The following THADA variants were observed in gnomAD, a reference collection of about 807,000 sequenced individuals.
THADA encodes tRNA (32-2'-O)-methyltransferase regulator THADA.
Under a neutral mutation model 219.8 loss-of-function variants are expected in THADA, and 213 were observed. The observed-to-expected ratio is 0.97, with a 90% CI of 0.87 to 1.09. THADA has a LOEUF of 1.09. Among genes scored for constraint, THADA ranks in the 50% least tolerant of loss-of-function variants. The pLI, the probability that THADA is intolerant of heterozygous loss-of-function variation, is 0.00. For synonymous variants in THADA, 1,018 were observed against 828.9 expected (o/e 1.23, Z -3.92); for missense variants, 2,956 against 2,311.3 (o/e 1.28, Z -5.72).
intron 26 of THADA, among the ~76,000 whole-genome samples, chr2:43,473,554 A>C (rs926174235): frequency 4.6e-5 from 7 of 152,196 alleles, no homozygotes; most frequent in African/African-American, 1.7e-4. Flanking sequence ...GTAAATACAT[A>C]AACCAGTAAC....
rs977222960 is a variant in THADA at position 43,292,222 on chromosome 2, T to C, written c.4819A>G (p.Ile1607Val). Residue 1607 changes from isoleucine to valine, a missense_variant and splice_region_variant, in exon 33 of 38, where the codon ATA becomes GTA. By Grantham distance (29) the Ile-to-Val change is conservative (BLOSUM62 3). Coordinates refer to ENST00000405975, the MANE Select transcript of THADA (RefSeq NM_022065.5). ...KENHPECFCK[I>V]LKILHCMDPG... ...TCCATGCAGTGGAGAATTTTCAGTA[T>C]CTGTGTAAGCCAAATCCGCACACAA... 1 of 1,593,994 alleles carries C rather than the reference T, an allele frequency of 6.3e-7. No individual in the cohort carries two copies. The highest frequency in any genetic ancestry group is 8.6e-7 in the Non-Finnish European group (1 of 1,169,264).
intron 25 of THADA, among the ~76,000 whole-genome samples, chr2:43,495,769 A>G (rs1379621024): frequency 1.3e-5 from 2 of 152,212 alleles, no homozygotes; most frequent in African/African-American, 4.8e-5. Context: ...AGCAATATTG[A>G]TATTTCTGAC....
intron 30 of THADA, among the ~76,000 whole-genome samples, chr2:43,337,982 T>C (rs1666656665): frequency 6.6e-6 from 1 of 152,084 alleles, no homozygotes; most frequent in Non-Finnish European, 1.5e-5. Context: ...GTCAAGACAA[T>C]GATAACTTCA....
At chr2:43,398,465 T>C (rs955660993) in intron 28 of THADA, among the ~76,000 whole-genome samples, 3 of 152,184 alleles carry the variant, frequency 2.0e-5, no homozygotes, top group African/African-American at 4.8e-5. Context: ...AAAAGCACCA[T>C]GATAAGTGCC....
intron 29 of THADA, among the ~76,000 whole-genome samples, chr2:43,396,866 C>T (rs986789657): frequency 6.6e-6 from 1 of 151,670 alleles, no homozygotes; most frequent in African/African-American, 2.4e-5. Flanking sequence ...ATTCTTATTA[C>T]CTAGGGGGAA....
Position 43,231,434 on chromosome 2 carries a change from G to A in THADA, c.5467-91C>T, listed in dbSNP as rs759805651. ...AAGCAGTACCCTGCCAGATGCAAGA[G>A]GGGTTTCCCTTCCCCCACCTGACAG... On this transcript the variant is annotated intron_variant, in intron 37 of 37. Transcript: ENST00000405975. 28 of 1,344,678 alleles carry A rather than the reference G, an allele frequency of 2.1e-5. No individual in the cohort carries two copies. The African/African-American group carries it at 2.4e-4, about 11-fold the overall frequency. The allele number at this position is 1,344,678 out of a possible 1,614,324, so 83.3% of individuals were successfully genotyped here.
intron 30 of THADA, among the ~76,000 whole-genome samples, chr2:43,327,590 G>C (rs4128209): frequency 0.27 from 40,429 of 151,926 alleles, 6,097 homozygotes; most frequent in African/African-American, 0.41. Context: ...ATATCTACCC[G>C]CCTCCTGCCC....
At chr2:43,504,839 G>A (rs1210315901) in intron 24 of THADA, among the ~76,000 whole-genome samples, 1 of 152,124 alleles carries the variant, frequency 6.6e-6, no homozygotes, top group Non-Finnish European at 1.5e-5. Flanking sequence ...AGCCACGATC[G>A]CACCACTGCA....
chr2:43,576,520 C>T (rs1699875483), intron 10 of THADA, among the ~76,000 whole-genome samples: 1 of 152,072 alleles, frequency 6.6e-6, no homozygotes, highest in African/African-American at 2.4e-5. Context: ...ATTAGATTAC[C>T]TATGTTGAAG....
chr2:43,304,738 C>G (rs866175390), intron 31 of THADA, among the ~76,000 whole-genome samples: 5 of 148,838 alleles, frequency 3.4e-5, no homozygotes, highest in African/African-American at 1.3e-4. Flanking sequence ...GTGGTGCAAT[C>G]TCGGCTCACC....
At chr2:43,337,613 C>T (rs1666609007) in intron 30 of THADA, among the ~76,000 whole-genome samples, 1 of 151,948 alleles carries the variant, frequency 6.6e-6, no homozygotes, top group Non-Finnish European at 1.5e-5. Context: ...TATACCAAGA[C>T]TTTTTCCATT....
At chr2:43,576,108 G>C (rs1457220966) in intron 10 of THADA, among the ~76,000 whole-genome samples, 2 of 152,048 alleles carry the variant, frequency 1.3e-5, no homozygotes, top group Non-Finnish European at 2.9e-5. Context: ...AAAAAATATA[G>C]CAAAGAGAAT....
At chr2:43,456,434 A>C (rs1201024103) in intron 26 of THADA, among the ~76,000 whole-genome samples, 1 of 152,212 alleles carries the variant, frequency 6.6e-6, no homozygotes, top group Non-Finnish European at 1.5e-5. Flanking sequence ...GGGAATGAGG[A>C]AATGCAAAGT....
chr2:43,588,403 T>G (rs1042928942), intron 4 of THADA, among the ~76,000 whole-genome samples: 1 of 151,968 alleles, frequency 6.6e-6, no homozygotes, highest in Non-Finnish European at 1.5e-5. Context: ...ACACAAAAAT[T>G]AGCTGAATTG....
chr2:43,307,174 G>C (rs1177783721), intron 31 of THADA, among the ~76,000 whole-genome samples: 1 of 152,160 alleles, frequency 6.6e-6, no homozygotes, highest in African/African-American at 2.4e-5. Context: ...AGACAATAAG[G>C]GAAGCATTAC....
At chr2:43,560,456 C>T in intron 15 of THADA, 71 bp from the exon 16 acceptor site, 5 of 1,185,980 alleles carry the variant, frequency 4.2e-6, no homozygotes, top group Non-Finnish European at 5.6e-6. Flanking sequence ...AGTTATTTGA[C>T]CAAATTTATA....
intron 22 of THADA, among the ~76,000 whole-genome samples, chr2:43,512,021 T>C (rs1690540902): frequency 6.6e-6 from 1 of 152,230 alleles, no homozygotes; most frequent in Non-Finnish European, 1.5e-5. Context: ...ACTGGGCCTA[T>C]TTATTCCCTT....
intron 31 of THADA, among the ~76,000 whole-genome samples, chr2:43,308,755 TACCAAAAAAAA>T (rs1256905551): frequency 3.2e-4 from 20 of 63,322 alleles, no homozygotes; most frequent in South Asian, 1.3e-3. Context: ...TGGATACCCA[TACCAAAAAAAA>T]AAAAAAAAAA....
intron 21 of THADA, among the ~76,000 whole-genome samples, chr2:43,532,192 G>T (rs2103755844): frequency 6.6e-6 from 1 of 151,932 alleles, no homozygotes; most frequent in South Asian, 2.1e-4. Context: ...CTGGTGGATT[G>T]CCTGAGCTCA....
Sources: allele counts gnomAD v4.1 joint callset (sites outside exome capture counted in the v4.1 genomes callset), GRCh38; gene constraint gnomAD v4.1.1; transcripts MANE v1.5; gene names NCBI Gene and HGNC (gene_info 2026-07-23, HGNC 2026-07-21).